The following KCTD8 variants were observed in gnomAD, a reference collection of about 807,000 sequenced individuals.
KCTD8 encodes BTB/POZ domain-containing protein KCTD8.
In KCTD8, 27 loss-of-function variants were observed where a neutral mutation model predicts 31.5. The ratio of observed to expected loss-of-function variants is 0.86; its 90% confidence interval spans 0.63 to 1.18. The LOEUF is 1.18. Ranked by LOEUF, KCTD8 falls within the 50% of genes most tolerant of loss-of-function variation. The pLI is 0.00. For missense variants in KCTD8, 658 were observed against 647.7 expected, an observed-to-expected ratio of 1.02 and a Z score of -0.17; for synonymous variants, 290 against 280.0, an observed-to-expected ratio of 1.04 and a Z score of -0.36.
chr4:44,341,499 A>G (rs1473467701), intron 1 of KCTD8, among the ~76,000 whole-genome samples: 2 of 152,228 alleles, frequency 1.3e-5, no homozygotes, highest in Non-Finnish European at 2.9e-5. Context: ...TTGCTTTGTC[A>G]ACTAAGTTTA....
chr4:44,250,074 A>C (rs2109360969), intron 1 of KCTD8, among the ~76,000 whole-genome samples: 1 of 151,910 alleles, frequency 6.6e-6, no homozygotes, highest in East Asian at 1.9e-4. Flanking sequence ...TTTTAAAAAA[A>C]TTCTAACAGC....
At chr4:44,396,258 G>A (rs148773306) in intron 1 of KCTD8, among the ~76,000 whole-genome samples, 136 of 152,210 alleles carry the variant, frequency 8.9e-4, no homozygotes, top group African/African-American at 3.2e-3. Flanking sequence ...AGGCAGTAAC[G>A]CAAGTGATAG....
At chr4:44,407,984 G>C (rs1720844640) in intron 1 of KCTD8, among the ~76,000 whole-genome samples, 1 of 151,976 alleles carries the variant, frequency 6.6e-6, no homozygotes, top group African/African-American at 2.4e-5. Flanking sequence ...TCATCTTCCA[G>C]AGCTTACTAA....
intron 1 of KCTD8, among the ~76,000 whole-genome samples, chr4:44,184,356 T>G (rs1713519586): frequency 6.6e-6 from 1 of 152,204 alleles, no homozygotes; most frequent in Admixed American, 6.5e-5. Flanking sequence ...GAGGAAAAAT[T>G]GAACTCATTT....
chr4:44,248,999 T>C (rs552781163), intron 1 of KCTD8, among the ~76,000 whole-genome samples: 2 of 151,962 alleles, frequency 1.3e-5, no homozygotes, highest in Admixed American at 1.3e-4. Flanking sequence ...CTCAGCTAAA[T>C]AAATATTACC....
intron 1 of KCTD8, among the ~76,000 whole-genome samples, chr4:44,337,604 G>C (rs1205732413): frequency 6.6e-6 from 1 of 151,216 alleles, no homozygotes; most frequent in Non-Finnish European, 1.5e-5. Flanking sequence ...AATCCGGGAG[G>C]AGGAGGTTGC....
rs184378523 is a variant in KCTD8, at chr4:44,351,953, G to A, written c.961+95610C>T. ...CTAAAAAGAATAAAACATAAAATAA[G>A]TATTTCTTTTATTTATTTATTTATT... On this transcript the variant is annotated intron_variant, in intron 1 of 1. Transcript: ENST00000360029. Among the ~76,000 whole-genome samples, 4 of 151,998 alleles carry A rather than the reference G, an allele frequency of 2.6e-5. No homozygotes were observed. The East Asian group carries it at 7.7e-4, about 29-fold the overall frequency.
rs769212308 is a variant in KCTD8 at position 44,175,064 on chromosome 4, T to G, written c.1148A>C (p.Gln383Pro). ...PSSAQQATAH[Q>P]PNTLTLDRPS... Reference sequence around the variant, plus strand: ...GCGATCCAATGTTAAAGTGTTAGGTTGGTGAGCTGTTGCCTGCTGGGCACT... The same window carrying G: ...GCGATCCAATGTTAAAGTGTTAGGTGGGTGAGCTGTTGCCTGCTGGGCACT... The change falls in exon 2 of 2, where the codon CAA becomes CCA. Residue 383 changes from glutamine (Q) to proline (P), a missense_variant. Transcript: ENST00000360029. 3 of 1,613,942 alleles carry G rather than the reference T, an allele frequency of 1.9e-6. No homozygotes were observed. The highest frequency in any genetic ancestry group is 2.5e-6 in the Non-Finnish European group (3 of 1,179,980).
chr4:44,260,111 G>A (rs1716116608), intron 1 of KCTD8, among the ~76,000 whole-genome samples: 1 of 149,892 alleles, frequency 6.7e-6, no homozygotes, highest in Non-Finnish European at 1.5e-5. Flanking sequence ...AGCAAAATGA[G>A]AACATCAAAT....
At chr4:44,250,477 G>A (rs1220579780) in intron 1 of KCTD8, among the ~76,000 whole-genome samples, 1 of 151,716 alleles carries the variant, frequency 6.6e-6, no homozygotes, top group East Asian at 1.9e-4. Flanking sequence ...CCACTTTACA[G>A]GTGAAAGAGC....
At chr4:44,215,818 A>G (rs969443935) in intron 1 of KCTD8, among the ~76,000 whole-genome samples, 1 of 152,196 alleles carries the variant, frequency 6.6e-6, no homozygotes, top group Non-Finnish European at 1.5e-5. Context: ...GAGCTCAAAC[A>G]TGTGAAAAGA....
At chr4:44,409,879 A>G (rs570159381) in intron 1 of KCTD8, among the ~76,000 whole-genome samples, 151 of 152,210 alleles carry the variant, frequency 9.9e-4, no homozygotes, top group African/African-American at 3.2e-3. Flanking sequence ...AATGCCTAAC[A>G]TAACAGACAA....
intron 1 of KCTD8, among the ~76,000 whole-genome samples, chr4:44,333,242 G>A (rs1439185130): frequency 6.6e-6 from 1 of 152,032 alleles, no homozygotes; most frequent in Non-Finnish European, 1.5e-5. Flanking sequence ...ATCCAATACA[G>A]GGACCAGGAA....
intron 1 of KCTD8, among the ~76,000 whole-genome samples, chr4:44,321,098 C>T (rs1560425692): frequency 6.6e-6 from 1 of 152,206 alleles, no homozygotes; most frequent in Non-Finnish European, 1.5e-5. Flanking sequence ...TAGGTGAATA[C>T]TTTCTACCTT....
chr4:44,396,119 A>G (rs1720499287), intron 1 of KCTD8, among the ~76,000 whole-genome samples: 1 of 152,054 alleles, frequency 6.6e-6, no homozygotes, highest in Non-Finnish European at 1.5e-5. Flanking sequence ...AGAGACAGTG[A>G]CAGATCATCA....
intron 1 of KCTD8, among the ~76,000 whole-genome samples, chr4:44,421,387 G>A (rs1265883082): frequency 6.6e-6 from 1 of 151,792 alleles, no homozygotes; most frequent in East Asian, 1.9e-4. Context: ...TTTTAAACAT[G>A]CGTAAGTATC....
chr4:44,276,884 G>A (rs187643147), intron 1 of KCTD8, among the ~76,000 whole-genome samples: 3 of 152,070 alleles, frequency 2.0e-5, no homozygotes, highest in Non-Finnish European at 4.4e-5. Flanking sequence ...GAATGGGAGT[G>A]TTTAAAAAAT....
intron 1 of KCTD8, among the ~76,000 whole-genome samples, chr4:44,350,063 T>C (rs559277656): frequency 1.3e-4 from 20 of 152,270 alleles, no homozygotes; most frequent in Non-Finnish European, 2.4e-4. Context: ...TGGTATAGAT[T>C]TTGCAAATGT....
chr4:44,255,754 C>A (rs1021211526), intron 1 of KCTD8, among the ~76,000 whole-genome samples: 13 of 151,766 alleles, frequency 8.6e-5, no homozygotes, highest in Non-Finnish European at 1.9e-4. Flanking sequence ...CAGATGAATT[C>A]TAGATGTAAA....
Sources: allele counts gnomAD v4.1 joint callset (sites outside exome capture counted in the v4.1 genomes callset), GRCh38; gene constraint gnomAD v4.1.1; transcripts MANE v1.5; gene names NCBI Gene and HGNC (gene_info 2026-07-23, HGNC 2026-07-21).